GRIPAP1: variants seen among roughly 807,000 people sequenced by gnomAD.
GRIPAP1 encodes the protein GRIP1 associated protein 1.
A neutral mutation model predicts 84.1 loss-of-function variants in GRIPAP1; 14 were observed. That is an observed-to-expected ratio of 0.17 (90% confidence interval 0.11 to 0.26). The LOEUF (loss-of-function observed/expected upper bound fraction) is 0.26. Ranked by LOEUF, GRIPAP1 falls within the 10% of genes least tolerant of loss-of-function variation. The pLI is 1.00. For synonymous variants in GRIPAP1, 261 were observed against 256.8 expected (o/e 1.02, Z -0.15); for missense variants, 518 against 674.2 (o/e 0.77, Z 2.57).
intron 1 of GRIPAP1, among the ~76,000 whole-genome samples, chrX:49,000,392 A>C (rs1361091866): frequency 2.0e-5 from 2 of 102,537 alleles, no homozygotes; most frequent in Non-Finnish European, 4.0e-5. Flanking sequence ...AAAAAAAAAA[A>C]AAGAATTAAG....
At chrX:49,002,085 A>G in intron 1 of GRIPAP1, 103 bp downstream of exon 1, 1 of 502,932 alleles carries the variant, frequency 2.0e-6, no homozygotes, top group African/African-American at 2.3e-5. Context: ...CCATAAACTC[A>G]GGGTCCATCC....
Position 48,987,820 on chromosome X carries a change from T to C in GRIPAP1, c.1006A>G (p.Asn336Asp), listed in dbSNP as rs2064499026. ...GCAGCCAGGCTAGTCCTCAAGGCAT[T>C]GTTCTCAGCCAAAAGCCCTTCCACT... ...EQVEGLLAEN[N>D]ALRTSLAALE... The change falls in exon 13 of 26, where the codon AAT becomes GAT. Residue 336 changes from asparagine (N) to aspartate (D), a missense_variant. Coordinates refer to ENST00000376423, the MANE Select transcript of GRIPAP1 (RefSeq NM_020137.5). 1 of 1,201,649 alleles carries C rather than the reference T, an allele frequency of 8.3e-7. No individual in the cohort carries two copies.
At position 48,983,789 on chromosome X, in the gene GRIPAP1, G is replaced by C; in HGVS notation, c.1258C>G (p.Gln420Glu). The change falls in exon 15 of 26, where the codon CAG becomes GAG. Residue 420 changes from glutamine (Q) to glutamate (E), a missense_variant. This residue lies in a region of GRIPAP1 where 372 missense variants were observed against 458.1 expected (regional missense o/e 0.81). Coordinates refer to ENST00000376423, the MANE Select transcript of GRIPAP1 (RefSeq NM_020137.5). ...TGTTCCCCTACCTTCCGAGCCTCCT[G>C]TAATTCCTGGGTCAACTGCTCCTTC... Reference protein sequence around the residue: ...QEKEQLTQELQEARKSAEKRK... With the variant: ...QEKEQLTQELEEARKSAEKRK... 1 of 1,170,390 alleles carries C rather than the reference G, an allele frequency of 8.5e-7. No homozygotes were observed. Among genetic ancestry groups the C allele is most frequent in the Non-Finnish European group, 1.2e-6 (1 of 858,504 alleles).
intron 12 of GRIPAP1, 29 bp from the exon 13 acceptor site, chrX:48,987,906 T>A: frequency 9.5e-7 from 1 of 1,055,170 alleles, no homozygotes; most frequent in Non-Finnish European, 1.3e-6. Flanking sequence ...CAGGTGAGAG[T>A]GGGTCCAGAA....
chrX:48,990,956 T>A lies in GRIPAP1; in HGVS notation c.612A>T (p.Arg204Ser). Residue 204 changes from arginine to serine, a missense_variant, in exon 7 of 26, where the codon AGA becomes AGT. This residue lies in a region of GRIPAP1 where 372 missense variants were observed against 458.1 expected (regional missense o/e 0.81). Transcript: ENST00000376423. The part of the protein sequence containing the change: ...LKWEMEKEEK[R>S]LLWEQLQGLE... The stretch of plus-strand genomic sequence containing the variant: ...AGCCTTGCAGCTGTTCCCAGAGCAA[T>A]CTCTTCTCCTCTTTCTCCATTTCCC... 1 of 1,166,939 alleles carries A rather than the reference T, an allele frequency of 8.6e-7. No homozygotes were observed. The highest frequency in any genetic ancestry group is 1.1e-6 in the Non-Finnish European group (1 of 873,640).
chrX:48,992,504 C>G (rs1481315953), intron 6 of GRIPAP1, among the ~76,000 whole-genome samples: 2 of 112,248 alleles, frequency 1.8e-5, no homozygotes, highest in African/African-American at 6.5e-5. Context: ...TTAGCCCAAG[C>G]TGGTTTCACA....
Position 48,995,624 on chromosome X carries a change from C to T in GRIPAP1, c.306+1626G>A, listed in dbSNP as rs782399327. On this transcript the variant is annotated intron_variant, in intron 5 of 25. Transcript: ENST00000376423. ...TTTTTTTTTTAAATTGAGACAGAGT[C>T]TTGCTCTGTCGCCCAGGCTGGAGTG... Among the ~76,000 whole-genome samples the T allele has an allele frequency of 2.7e-5, 3 of 110,534 alleles. No individual in the cohort carries two copies. The South Asian group carries it at 1.2e-3, about 43-fold the overall frequency.
chrX:48,987,973 A>G (rs1557064410), intron 12 of GRIPAP1, 96 bp from the exon 13 acceptor site: 1 of 494,022 alleles, frequency 2.0e-6, no homozygotes, highest in African/African-American at 2.5e-5. Context: ...ACACACACAC[A>G]CACACACACA....
At chrX:48,993,679 C>A (rs781803878) in intron 5 of GRIPAP1, 101 bp from the exon 6 acceptor site, 79 of 586,747 alleles carry the variant, frequency 1.3e-4, no homozygotes, top group African/African-American at 1.3e-3. Context: ...TCACTTAATT[C>A]CCATAATGAC....
At chrX:48,990,338 C>A (rs2064513210) in intron 8 of GRIPAP1, among the ~76,000 whole-genome samples, 1 of 112,122 alleles carries the variant, frequency 8.9e-6, no homozygotes, top group African/African-American at 3.2e-5. Flanking sequence ...GGCTGGGAGG[C>A]CTGGAAAGCA....
chrX:48,998,145 T>A lies in GRIPAP1; in HGVS notation c.198+9A>T, dbSNP rs1401653561. 1 of 1,181,666 alleles carries A rather than the reference T, an allele frequency of 8.5e-7. No individual in the cohort carries two copies. The highest frequency in any genetic ancestry group is 1.1e-6 in the Non-Finnish European group (1 of 870,889). On this transcript the variant is annotated intron_variant, in intron 4 of 25. Coordinates refer to ENST00000376423, the MANE Select transcript of GRIPAP1 (RefSeq NM_020137.5). Reference sequence around the variant, plus strand: ...CCCAGTCACACTCACCCACAAGGGATCCCCTTACCTGAGCTTTCTTGCTCT... The same window carrying A: ...CCCAGTCACACTCACCCACAAGGGAACCCCTTACCTGAGCTTTCTTGCTCT...
At chrX:49,001,518 C>T (rs1244776294) in intron 1 of GRIPAP1, among the ~76,000 whole-genome samples, 3 of 110,553 alleles carry the variant, frequency 2.7e-5, no homozygotes. Context: ...AATCTTTTAC[C>T]CCTCTGGTCC....
intron 9 of GRIPAP1, 22 bp from the exon 10 acceptor site, chrX:48,989,904 T>C: frequency 8.3e-7 from 1 of 1,206,225 alleles, no homozygotes; most frequent in Non-Finnish European, 1.1e-6. Flanking sequence ...AGGACAGATG[T>C]AGATGGGTCA....
Position 48,998,183 on chromosome X carries a change from A to G in GRIPAP1, c.172-3T>C, listed in dbSNP as rs782055459. ...GCTTTCTTGCTCTTGCTCAGTGCCT[A>G]AAGTGGGGGTGGGTGGGAAGAGAGC... On this transcript the variant is annotated splice_region_variant and splice_polypyrimidine_tract_variant and intron_variant, in intron 3 of 25. Coordinates refer to ENST00000376423, the MANE Select transcript of GRIPAP1 (RefSeq NM_020137.5). The G allele has an allele frequency of 1.5e-5, 18 of 1,185,440 alleles. No homozygotes were observed. Among genetic ancestry groups the G allele is most frequent in the Non-Finnish European group, 2.1e-5 (18 of 874,871 alleles).
intron 21 of GRIPAP1, among the ~76,000 whole-genome samples, chrX:48,980,267 C>G (rs868963018): frequency 5.3e-5 from 5 of 93,802 alleles, no homozygotes; most frequent in African/African-American, 2.0e-4. Context: ...GTGTGTGTGT[C>G]TTCTGCTTGA....
At chrX:48,998,703 A>G (rs1270993133) in intron 3 of GRIPAP1, among the ~76,000 whole-genome samples, 1 of 112,570 alleles carries the variant, frequency 8.9e-6, no homozygotes, top group Non-Finnish European at 1.9e-5. Context: ...TCGTTCATCC[A>G]ACAAATATTT....
chrX:48,985,253 A>G lies in GRIPAP1; in HGVS notation c.1176+15T>C, dbSNP rs782193247. 8.3e-7 allele frequency: 1 copy of G among 1,203,078 alleles called. No individual in the cohort carries two copies. The highest frequency in any genetic ancestry group is 1.1e-6 in the Non-Finnish European group (1 of 888,177). On this transcript the variant is annotated intron_variant, in intron 14 of 25. Coordinates refer to ENST00000376423, the MANE Select transcript of GRIPAP1 (RefSeq NM_020137.5). ...AGGGAACTAGGAAGAGACAGGCCAG[A>G]GCCAAAGGTGTTACCTGGAGCTGGG...
At position 48,978,393 on chromosome X, in the gene GRIPAP1, C is replaced by T. The variant is rs782790481; in HGVS notation, c.1973G>A (p.Arg658Gln). The T allele has an allele frequency of 6.6e-6, 8 of 1,207,562 alleles. No individual in the cohort carries two copies. Among genetic ancestry groups the T allele is most frequent in the Admixed American group, 2.2e-5 (1 of 45,693 alleles). ...LVLSEMNSPSRTQTGDSSSIS... is the reference protein window; with the variant it reads ...LVLSEMNSPSQTQTGDSSSIS... ...GCTACTGCTGTCCCCTGTCTGGGTC[C>T]GGCTTGGTGAGTTCATCTCTGAGAG... The change falls in exon 22 of 26, where the codon CGG becomes CAG. Residue 658 changes from arginine to glutamine, a missense_variant. Transcript: ENST00000376423.
At chrX:48,986,068 C>T (rs1275995061) in intron 13 of GRIPAP1, among the ~76,000 whole-genome samples, 1 of 108,871 alleles carries the variant, frequency 9.2e-6, no homozygotes, top group African/African-American at 3.3e-5. Context: ...TGGTGAAACC[C>T]CGTCTCTACT....
Sources: gnomAD v4.1 joint callset for allele counts (sites outside exome capture counted in the v4.1 genomes callset) on GRCh38, gnomAD v4.1.1 for gene constraint, gnomAD v4.1.1 regional missense constraint, MANE v1.5 for transcripts, NCBI Gene and HGNC (gene_info 2026-07-23, HGNC 2026-07-21) for gene names.